RPSA2: variants seen among roughly 807,000 people sequenced by gnomAD.
RPSA2 encodes the protein ribosomal protein SA 2, also known as small ribosomal subunit protein uS2B.
the RPSA2 span, among the ~76,000 whole-genome samples, chr19:23,822,670 C>A: frequency 6.6e-6 from 1 of 152,168 alleles, no homozygotes; most frequent in African/African-American, 2.4e-5. Context: ...CCTGCTTGAT[C>A]ATCTTGACTT....
chr19:23,768,868 G>T, the RPSA2 span, among the ~76,000 whole-genome samples: 1 of 151,744 alleles, frequency 6.6e-6, no homozygotes, highest in African/African-American at 2.4e-5. Context: ...GATTACAGGT[G>T]TGAGCCATTG....
At chr19:23,758,729 C>T in the RPSA2 span, 2 of 1,614,184 alleles carry the variant, frequency 1.2e-6, no homozygotes, top group Non-Finnish European at 1.7e-6. Context: ...CTCGGGATGT[C>T]GGACCCGACA....
the RPSA2 span, among the ~76,000 whole-genome samples, chr19:23,787,049 G>A: frequency 6.6e-6 from 1 of 152,122 alleles, no homozygotes; most frequent in South Asian, 2.1e-4. Flanking sequence ...TCCAGGTGAT[G>A]TGGGTCTCAT....
chr19:23,867,450 A>T, the RPSA2 span, among the ~76,000 whole-genome samples: 1 of 152,348 alleles, frequency 6.6e-6, no homozygotes, highest in African/African-American at 2.4e-5. Context: ...TAAAATGTCA[A>T]AGGACATGGA....
the RPSA2 span, among the ~76,000 whole-genome samples, chr19:23,833,819 T>C: frequency 6.6e-6 from 1 of 152,122 alleles, no homozygotes; most frequent in Non-Finnish European, 1.5e-5. Flanking sequence ...TAAATAGGGT[T>C]GTAATACCTT....
chr19:23,769,624 G>A, the RPSA2 span, among the ~76,000 whole-genome samples: 3 of 152,176 alleles, frequency 2.0e-5, no homozygotes, highest in East Asian at 1.9e-4. Flanking sequence ...GATTACAGGC[G>A]TGAGCCACGA....
At chr19:23,779,146 G>A in the RPSA2 span, among the ~76,000 whole-genome samples, 1,048 of 151,876 alleles carry the variant, frequency 6.9e-3, 1 homozygote, top group Non-Finnish European at 0.01. Flanking sequence ...GACTACAGGC[G>A]CCCGCCACCA....
chr19:23,825,762 T>C, the RPSA2 span, among the ~76,000 whole-genome samples: 1 of 152,136 alleles, frequency 6.6e-6, no homozygotes, highest in South Asian at 2.1e-4. Flanking sequence ...AATATTTTTG[T>C]ATTTTTAGTA....
At chr19:23,857,433 C>T in the RPSA2 span, among the ~76,000 whole-genome samples, 313 of 151,928 alleles carry the variant, frequency 2.1e-3, 2 homozygotes, top group Non-Finnish European at 3.1e-3. Context: ...CCTGACTTCC[C>T]GCAACATCTT....
chr19:23,863,913 C>G, the RPSA2 span, among the ~76,000 whole-genome samples: 2 of 152,164 alleles, frequency 1.3e-5, no homozygotes, highest in Non-Finnish European at 2.9e-5. Context: ...AACAGAATAA[C>G]AGAGGCACAA....
the RPSA2 span, among the ~76,000 whole-genome samples, chr19:23,858,408 A>C: frequency 6.6e-6 from 1 of 151,966 alleles, no homozygotes; most frequent in African/African-American, 2.4e-5. Flanking sequence ...TGTATAGATA[A>C]ATTGAAAAGA....
chr19:23,832,457 C>T, the RPSA2 span: 2 of 487,564 alleles, frequency 4.1e-6, no homozygotes, highest in South Asian at 3.3e-5. Context: ...AGGATACACA[C>T]TGGAGAGAAA....
At chr19:23,810,388 C>T in the RPSA2 span, among the ~76,000 whole-genome samples, 3 of 91,830 alleles carry the variant, frequency 3.3e-5, no homozygotes, top group Admixed American at 3.9e-4. Flanking sequence ...AGCGAGACTC[C>T]CTCTCCAAAA....
the RPSA2 span, among the ~76,000 whole-genome samples, chr19:23,837,060 C>T: frequency 6.6e-6 from 1 of 152,056 alleles, no homozygotes; most frequent in Non-Finnish European, 1.5e-5. Flanking sequence ...TTTGGCCAAC[C>T]AATGCCTAGA....
At chr19:23,761,502 G>A in the RPSA2 span, among the ~76,000 whole-genome samples, 68,252 of 151,962 alleles carry the variant, frequency 0.45, 16,370 homozygotes, top group Non-Finnish European at 0.56. Flanking sequence ...AAACACTTAT[G>A]ACCAAATTAA....
chr19:23,850,551 CG>C, the RPSA2 span, among the ~76,000 whole-genome samples: 3 of 150,068 alleles, frequency 2.0e-5, no homozygotes, highest in Non-Finnish European at 4.4e-5. Flanking sequence ...CTGACACAGA[CG>C]TCTTTTCTCT....
the RPSA2 span, among the ~76,000 whole-genome samples, chr19:23,837,884 G>A: frequency 6.6e-6 from 1 of 152,054 alleles, no homozygotes; most frequent in African/African-American, 2.4e-5. Context: ...AAATAATCAT[G>A]TCATCAGCAA....
At chr19:23,845,279 T>A in the RPSA2 span, among the ~76,000 whole-genome samples, 13 of 150,428 alleles carry the variant, frequency 8.6e-5, no homozygotes, top group East Asian at 6.1e-4. Flanking sequence ...ATTTATGTTT[T>A]TTTTTTCTTC....
the RPSA2 span, among the ~76,000 whole-genome samples, chr19:23,766,142 CCTTTT>C: frequency 4.6e-5 from 2 of 43,258 alleles, no homozygotes; most frequent in African/African-American, 1.6e-4. Context: ...TATTTCATTT[CCTTTT>C]TTTTTTTTTT....
Sources: allele counts gnomAD v4.1 joint callset (sites outside exome capture counted in the v4.1 genomes callset), GRCh38; gene constraint gnomAD v4.1.1; transcripts MANE v1.5; gene names NCBI Gene and HGNC (gene_info 2026-07-23, HGNC 2026-07-21).